PLEKHA7: variants seen among roughly 807,000 people sequenced by gnomAD.
PLEKHA7 encodes the protein pleckstrin homology domain-containing family A member 7.
In PLEKHA7, 104 loss-of-function variants were observed where a neutral mutation model predicts 170.0. That is an observed-to-expected ratio of 0.61 (90% CI 0.52 to 0.72). The LOEUF (loss-of-function observed/expected upper bound fraction) is 0.72. Ranked by LOEUF, PLEKHA7 falls within the 30% of genes least tolerant of loss-of-function variation. The pLI is 0.00. For missense variants in PLEKHA7, 1,615 were observed against 1,671.7 expected, an observed-to-expected ratio of 0.97 and a Z score of 0.59; for synonymous variants, 648 against 660.8, an observed-to-expected ratio of 0.98 and a Z score of 0.30.
At chr11:16,811,631 C>T (rs1849380274) in intron 13 of PLEKHA7, among the ~76,000 whole-genome samples, 1 of 152,194 alleles carries the variant, frequency 6.6e-6, no homozygotes, top group African/African-American at 2.4e-5. Flanking sequence ...GAGGAATTAC[C>T]ACCATACTTA....
At chr11:16,927,149 A>T (rs1315136202) in intron 3 of PLEKHA7, among the ~76,000 whole-genome samples, 1 of 152,186 alleles carries the variant, frequency 6.6e-6, no homozygotes, top group African/African-American at 2.4e-5. Context: ...GATGCACTCC[A>T]TCCTGGGTGA....
chr11:16,889,420 A>AAAAAAAAAAAAAT (rs61086849), intron 3 of PLEKHA7, among the ~76,000 whole-genome samples: 6 of 74,686 alleles, frequency 8.0e-5, no homozygotes, highest in Non-Finnish European at 9.5e-5. Context: ...AAAAAAAAAA[A>AAAAAAAAAAAAAT]ATATATATAT....
chr11:16,887,604 C>T (rs941127618), intron 3 of PLEKHA7, among the ~76,000 whole-genome samples: 1 of 152,164 alleles, frequency 6.6e-6, no homozygotes, highest in South Asian at 2.1e-4. Context: ...CTGTGTTGGC[C>T]GGGCTGGTCT....
At chr11:16,952,108 C>T (rs905836970) in intron 3 of PLEKHA7, among the ~76,000 whole-genome samples, 2 of 152,342 alleles carry the variant, frequency 1.3e-5, no homozygotes, top group African/African-American at 4.8e-5. Flanking sequence ...TCCCCTCTTC[C>T]TCCTCAGCAA....
At chr11:16,788,470 T>C (rs913849086) in intron 23 of PLEKHA7, 2 of 152,930 alleles carry the variant, frequency 1.3e-5, no homozygotes, top group Non-Finnish European at 2.9e-5. Context: ...TAGGGAAACA[T>C]GGGATTTCAA....
intron 3 of PLEKHA7, among the ~76,000 whole-genome samples, chr11:16,897,140 T>C (rs979639719): frequency 6.6e-6 from 1 of 152,182 alleles, no homozygotes; most frequent in Non-Finnish European, 1.5e-5. Context: ...ACTATTACCA[T>C]TTAACAGAAG....
chr11:16,851,848 T>G (rs1195433217), intron 7 of PLEKHA7, among the ~76,000 whole-genome samples: 1 of 152,248 alleles, frequency 6.6e-6, no homozygotes, highest in Non-Finnish European at 1.5e-5. Flanking sequence ...CCTGAACTGC[T>G]TTGAAAGCAC....
At position 16,816,855 on chromosome 11, in the gene PLEKHA7, C is replaced by T. The variant is rs759615543; in HGVS notation, c.1811G>A (p.Ser604Asn). Residue 604 changes from serine to asparagine, a missense_variant, in exon 11 of 27, where the codon AGT becomes AAT. Ser to Asn is a conservative substitution (Grantham distance 46). Coordinates refer to ENST00000531066, the MANE Select transcript of PLEKHA7 (RefSeq NM_001329630.2). ...VTVKPPDQRR[S>N]VDISLGDSPR... ...AGAATCCCCCAGCGAGATGTCCACA[C>T]TCCTCCTCTGGTCCGGTGGCTTCAC... 1 of 1,614,152 alleles carries T rather than the reference C, an allele frequency of 6.2e-7. No homozygotes were observed. Among genetic ancestry groups the T allele is most frequent in the Non-Finnish European group, 8.5e-7 (1 of 1,180,006 alleles).
At chr11:16,952,635 G>A (rs1861477355) in intron 3 of PLEKHA7, among the ~76,000 whole-genome samples, 1 of 151,916 alleles carries the variant, frequency 6.6e-6, no homozygotes, top group South Asian at 2.1e-4. Flanking sequence ...TACCTGAAAT[G>A]CTTGGAACCA....
At chr11:16,886,541 T>C (rs1022583928) in intron 3 of PLEKHA7, among the ~76,000 whole-genome samples, 3 of 152,072 alleles carry the variant, frequency 2.0e-5, no homozygotes, top group African/African-American at 2.4e-5. Flanking sequence ...TGAAACCCCA[T>C]CTCTACTAAA....
intron 8 of PLEKHA7, among the ~76,000 whole-genome samples, chr11:16,845,436 C>T (rs1338407489): frequency 3.3e-5 from 5 of 152,248 alleles, no homozygotes; most frequent in South Asian, 2.1e-4. Flanking sequence ...GTACTGTCTT[C>T]GCTCACTGCA....
Position 16,789,972 on chromosome 11 carries a change from G to T in PLEKHA7, c.3053-94C>A. On this transcript the variant is annotated intron_variant, in intron 21 of 26. Coordinates refer to ENST00000531066, the MANE Select transcript of PLEKHA7 (RefSeq NM_001329630.2). The surrounding 1 kb of genome is among the most constrained non-coding windows in gnomAD (Gnocchi z 4.6). ...ACACATTCTTGCAGGAGTACCAAGA[G>T]CACCCAGTCAATGACCCACCCTTAT... is the stretch of plus-strand genomic sequence containing the variant. The T allele has an allele frequency of 8.9e-7, 1 of 1,124,354 alleles. No individual in the cohort carries two copies. The highest frequency in any genetic ancestry group is 1.3e-6 in the Non-Finnish European group (1 of 753,654). 69.6% of individuals were successfully genotyped at this position (1,124,354 alleles called of 1,614,324 possible).
chr11:16,796,347 T>G (rs993545793), intron 17 of PLEKHA7, among the ~76,000 whole-genome samples: 6 of 152,156 alleles, frequency 3.9e-5, no homozygotes, highest in African/African-American at 1.4e-4. Context: ...AGGAATGAAG[T>G]GCTGATGCAT....
At chr11:16,799,966 C>T (rs1848478459) in intron 17 of PLEKHA7, among the ~76,000 whole-genome samples, 2 of 152,212 alleles carry the variant, frequency 1.3e-5, no homozygotes, top group Non-Finnish European at 2.9e-5. Flanking sequence ...CTACACCCTA[C>T]TCCAGAATTT....
chr11:16,979,177 G>A (rs1324963279), intron 3 of PLEKHA7, among the ~76,000 whole-genome samples: 9 of 152,170 alleles, frequency 5.9e-5, no homozygotes, highest in South Asian at 4.2e-4. Context: ...GATTACAGGC[G>A]CGCTACCACG....
At chr11:16,991,828 G>T (rs1020567308) in intron 3 of PLEKHA7, among the ~76,000 whole-genome samples, 1 of 152,192 alleles carries the variant, frequency 6.6e-6, no homozygotes, top group Non-Finnish European at 1.5e-5. Context: ...TAGCAGACGG[G>T]GAGAGAAGCA....
In PLEKHA7 at chr11:16,892,619, C is replaced by CTTTTTTT. The variant is rs10674972; in HGVS notation, c.222-21444_222-21438dup. On this transcript the variant is annotated intron_variant, in intron 3 of 26. Transcript: ENST00000531066. ...TGCCACCATGCCCAGCTTCCAGCTTCTTTTTTTTTTTTTTTTTTTTTTCGT... is the reference window on the plus strand; with the variant it reads ...TGCCACCATGCCCAGCTTCCAGCTTCTTTTTTTTTTTTTTTTTTTTTTTTTTTTTCGT... 7.9e-3 allele frequency among the ~76,000 whole-genome samples: 648 copies of CTTTTTTT among 82,314 alleles called. 21 individuals are homozygous for CTTTTTTT. Among genetic ancestry groups the CTTTTTTT allele is most frequent in the Non-Finnish European group, 0.01 (478 of 46,160 alleles). The allele number at this position is 82,314 out of a possible 152,430, so 54.0% of individuals were successfully genotyped here.
intron 4 of PLEKHA7, among the ~76,000 whole-genome samples, chr11:16,865,543 G>C (rs1854318808): frequency 6.6e-6 from 1 of 151,990 alleles, no homozygotes; most frequent in Non-Finnish European, 1.5e-5. Flanking sequence ...GGGCAACACA[G>C]TGAAACCCCA....
chr11:16,883,857 G>A (rs974724751), intron 3 of PLEKHA7, among the ~76,000 whole-genome samples: 2 of 152,170 alleles, frequency 1.3e-5, no homozygotes, highest in Admixed American at 6.5e-5. Flanking sequence ...TGCTACAGAA[G>A]GGTATGAACT....
Sources: allele counts gnomAD v4.1 joint callset (sites outside exome capture counted in the v4.1 genomes callset), GRCh38; gene constraint gnomAD v4.1.1; non-coding constraint Gnocchi (gnomAD v3.1); transcripts MANE v1.5; gene names NCBI Gene and HGNC (gene_info 2026-07-23, HGNC 2026-07-21).